The following CELF2 variants were observed in gnomAD, a reference collection of about 807,000 sequenced individuals.
CELF2 encodes CUG triplet repeat RNA-binding protein 2.
CELF2 carries 8 observed loss-of-function variants against 62.6 expected under a neutral mutation model. That is an observed-to-expected ratio of 0.13 (90% CI 0.07 to 0.23). The LOEUF is 0.23. Among genes scored for constraint, CELF2 ranks in the 10% least tolerant of loss-of-function variants. The probability of loss-of-function intolerance (pLI) is 1.00; values close to 1 mark genes in which losing one functional copy is unlikely to be tolerated. For synonymous variants in CELF2, 258 were observed against 250.0 expected (o/e 1.03, Z -0.30); for missense variants, 333 against 671.0 (o/e 0.50, Z 5.56).
chr10:10,830,887 A>C (rs2057795205), intron 1 of CELF2, among the ~76,000 whole-genome samples: 1 of 152,200 alleles, frequency 6.6e-6, no homozygotes, highest in South Asian at 2.1e-4. Flanking sequence ...TCTGTCAATG[A>C]ATCCACTCTC....
Position 10,995,333 on chromosome 10 carries a change from C to T in CELF2, c.89+75334C>T, listed in dbSNP as rs746892128. Among the ~76,000 whole-genome samples the T allele has an allele frequency of 2.2e-4, 34 of 152,120 alleles. No individual in the cohort carries two copies. The highest frequency in any genetic ancestry group is 4.3e-4 in the Non-Finnish European group (29 of 68,030). ...TCCTTTTCTCCTGAGATGATGTCATCGAATTAATCATATGTTCAGCCAGCC... is the reference window on the plus strand; with the variant it reads ...TCCTTTTCTCCTGAGATGATGTCATTGAATTAATCATATGTTCAGCCAGCC... On this transcript the variant is annotated intron_variant, in intron 2 of 13. Coordinates refer to the CELF2 transcript ENST00000636488. This position sits in a 1 kb window ranked among gnomAD's most constrained non-coding sequence, Gnocchi z 4.7.
the CELF2 span, among the ~76,000 whole-genome samples, chr10:10,779,471 C>G: frequency 7.9e-5 from 12 of 152,202 alleles, no homozygotes; most frequent in South Asian, 8.3e-4. Context: ...GATTCTCCAC[C>G]CTTCCTTCTC....
At chr10:10,838,516 G>A (rs2058457956) in intron 1 of CELF2, among the ~76,000 whole-genome samples, 1 of 152,114 alleles carries the variant, frequency 6.6e-6, no homozygotes, top group South Asian at 2.1e-4. Flanking sequence ...TCTTCTGCAT[G>A]GAAGTTATGT....
the CELF2 span, among the ~76,000 whole-genome samples, chr10:10,719,457 G>A: frequency 6.6e-6 from 1 of 151,902 alleles, no homozygotes; most frequent in South Asian, 2.1e-4. Context: ...GTAGAGATGG[G>A]GTCTTGGTAT....
chr10:11,115,836 A>T (rs560138559), intron 1 of CELF2, among the ~76,000 whole-genome samples: 8 of 152,336 alleles, frequency 5.3e-5, no homozygotes, highest in African/African-American at 1.9e-4. Context: ...TATAATTTTC[A>T]CAGGAATCGA....
At position 11,011,464 on chromosome 10, in the gene CELF2, T is replaced by TAA. The variant is rs373235531; in HGVS notation, c.53+6037_53+6038dup. ...GACACCCTGAATTCATCTTTATTAT[T>TAA]AAAAAAAAAAAAAACGCAAAATACA... On this transcript the variant is annotated intron_variant, in intron 1 of 12. Transcript: ENST00000416382. The surrounding 1 kb of genome is among the most constrained non-coding windows in gnomAD (Gnocchi z 4.6). 4.0e-4 allele frequency among the ~76,000 whole-genome samples: 55 copies of TAA among 136,466 alleles called. No individual in the cohort carries two copies. Among genetic ancestry groups the TAA allele is most frequent in the African/African-American group, 1.3e-3 (50 of 37,592 alleles). The allele number at this position is 136,466 out of a possible 152,430, so 89.5% of individuals were successfully genotyped here.
rs913969741 is a variant in CELF2, at chr10:11,321,060, T to A, written c.1097-129T>A. 3.1e-6 allele frequency: 4 copies of A among 1,294,014 alleles called. No homozygotes were observed. The African/African-American group carries it at 5.9e-5, about 19-fold the overall frequency. The allele number at this position is 1,294,014 out of a possible 1,614,324, so 80.2% of individuals were successfully genotyped here. On this transcript the variant is annotated intron_variant, in intron 10 of 12. Coordinates refer to ENST00000633077, the MANE Select transcript of CELF2 (RefSeq NM_001326342.2). The surrounding 1 kb of genome is among the most constrained non-coding windows in gnomAD (Gnocchi z 6.2). ...TCATGGTTTCATTTTTAGTTTCCTG[T>A]CAGTGTAATTGTGTGCTAGCTGCAT...
the CELF2 span, among the ~76,000 whole-genome samples, chr10:10,575,020 T>A: frequency 3.9e-5 from 6 of 152,018 alleles, no homozygotes; most frequent in African/African-American, 1.2e-4. Context: ...ACCTGACCTA[T>A]GTTAATGTTT....
At chr10:11,322,646 T>TC (rs1049604689) in intron 11 of CELF2, among the ~76,000 whole-genome samples, 1 of 152,184 alleles carries the variant, frequency 6.6e-6, no homozygotes, top group African/African-American at 2.4e-5. Flanking sequence ...TGGTTTTTTT[T>TC]TTTTTTTTAA....
chr10:10,539,140 A>G, the CELF2 span, among the ~76,000 whole-genome samples: 1 of 152,236 alleles, frequency 6.6e-6, no homozygotes, highest in Non-Finnish European at 1.5e-5. Flanking sequence ...ACTGGTTAAG[A>G]GTACAGATCT....
chr10:11,135,821 C>G lies in CELF2; in HGVS notation c.75-29665C>G, dbSNP rs1476750768. Among the ~76,000 whole-genome samples the G allele has an allele frequency of 4.0e-5, 6 of 151,546 alleles. 1 individual carries two copies. Among genetic ancestry groups the G allele is most frequent in the African/African-American group, 9.7e-5 (4 of 41,078 alleles). On this transcript the variant is annotated intron_variant, in intron 1 of 12. Transcript: ENST00000633077. ...GGGCTAGCACTTGTCAAGGTATGGT[C>G]TGAGGTCTGTAAATAATGTGTATGG...
intron 2 of CELF2, among the ~76,000 whole-genome samples, chr10:10,958,566 C>G (rs1321977847): frequency 6.6e-6 from 1 of 152,138 alleles, no homozygotes; most frequent in Non-Finnish European, 1.5e-5. Context: ...GTTCGAAAAC[C>G]AACAAAGATG....
Position 11,305,754 on chromosome 10 carries a change from C to T in CELF2, c.977-8385C>T, listed in dbSNP as rs182213894. The stretch of plus-strand genomic sequence containing the variant: ...AGCTCTAAGGAGAAGGAACCCATCC[C>T]GTCCCCTCAGTTGGGATTAGTGTTT... On this transcript the variant is annotated intron_variant, in intron 9 of 12. Transcript: ENST00000633077. This position sits in a 1 kb window ranked among gnomAD's most constrained non-coding sequence, Gnocchi z 4.8. Among the ~76,000 whole-genome samples, 60 of 152,304 alleles carry T rather than the reference C, an allele frequency of 3.9e-4. No individual in the cohort carries two copies. The highest frequency in any genetic ancestry group is 1.4e-3 in the African/African-American group (57 of 41,548).
In CELF2 at chr10:11,332,338, G is replaced by C. The variant is rs1440333590; in HGVS notation, c.*3285G>C. Reference sequence around the variant, plus strand: ...TACTCCTAAATAATATTTCTAATCAGCCATTATGCTGGGGCATCTCTGATC... The same window carrying C: ...TACTCCTAAATAATATTTCTAATCACCCATTATGCTGGGGCATCTCTGATC... On this transcript the variant is annotated 3_prime_UTR_variant, in exon 13 of 13. Coordinates refer to ENST00000633077, the MANE Select transcript of CELF2 (RefSeq NM_001326342.2). The C allele has an allele frequency of 6.6e-6, 1 of 152,174 alleles. No homozygotes were observed. 9.4% of individuals were successfully genotyped at this position (152,174 alleles called of 1,614,324 possible).
chr10:10,716,446 T>G, the CELF2 span, among the ~76,000 whole-genome samples: 1 of 151,910 alleles, frequency 6.6e-6, no homozygotes, highest in Non-Finnish European at 1.5e-5. Flanking sequence ...GAGGCTGAGG[T>G]GGGAGGATCG....
At chr10:10,953,235 T>C (rs139308537) in intron 2 of CELF2, among the ~76,000 whole-genome samples, 109 of 152,338 alleles carry the variant, frequency 7.2e-4, no homozygotes, top group Middle Eastern at 3.4e-3. Context: ...GAGAATTCCG[T>C]GGCAAGGGAG....
At chr10:10,780,629 T>A in the CELF2 span, among the ~76,000 whole-genome samples, 1 of 152,134 alleles carries the variant, frequency 6.6e-6, no homozygotes, top group Non-Finnish European at 1.5e-5. Context: ...TACAGGCGCC[T>A]GCTACCGTGC....
At chr10:10,955,505 C>T (rs2048793171) in intron 2 of CELF2, among the ~76,000 whole-genome samples, 1 of 152,194 alleles carries the variant, frequency 6.6e-6, no homozygotes, top group South Asian at 2.1e-4. Context: ...CACTGCTACA[C>T]AATGAAGCCA....
Position 11,045,969 on chromosome 10 carries a change from G to A in CELF2, c.74+27806G>A, listed in dbSNP as rs577841077. 6.8e-4 allele frequency among the ~76,000 whole-genome samples: 103 copies of A among 152,250 alleles called. 1 individual carries two copies. Among genetic ancestry groups the A allele is most frequent in the African/African-American group, 2.4e-3 (101 of 41,552 alleles). On this transcript the variant is annotated intron_variant, in intron 1 of 12. Transcript: ENST00000633077. The stretch of plus-strand genomic sequence containing the variant: ...ACAAATGTTCTCTGCTCTTTTCACT[G>A]AAGCCTCTAGGGGTAGAGGTGAAAG...
Sources: gnomAD v4.1 joint callset for allele counts (sites outside exome capture counted in the v4.1 genomes callset) on GRCh38, gnomAD v4.1.1 for gene constraint, Gnocchi (gnomAD v3.1) non-coding constraint, MANE v1.5 for transcripts, NCBI Gene and HGNC (gene_info 2026-07-23, HGNC 2026-07-21) for gene names.